The following CRBN variants were observed in gnomAD, a reference collection of about 807,000 sequenced individuals.
The protein encoded by CRBN is cereblon.
CRBN carries 53 observed loss-of-function variants against 62.2 expected under a neutral mutation model. The observed-to-expected ratio is 0.85, with a 90% CI of 0.68 to 1.07. The LOEUF is 1.07. Ranked by LOEUF, CRBN falls within the 50% of genes least tolerant of loss-of-function variation. The pLI is 0.00. For missense variants in CRBN, 616 were observed against 531.1 expected (o/e 1.16, Z -1.57); for synonymous variants, 208 against 176.1 (o/e 1.18, Z -1.43).
intron 4 of CRBN, among the ~76,000 whole-genome samples, chr3:3,171,098 C>T (rs1274516992): frequency 6.6e-6 from 1 of 152,172 alleles, no homozygotes; most frequent in Admixed American, 6.5e-5. Context: ...AGCCACTGTG[C>T]GCGGCCTGAT....
intron 7 of CRBN, 44 bp from the exon 8 acceptor site, chr3:3,154,119 A>G: frequency 8.8e-7 from 1 of 1,142,152 alleles, no homozygotes; most frequent in Non-Finnish European, 1.3e-6. Flanking sequence ...GGAGTCAGAT[A>G]AGCATCAGAG....
chr3:3,165,365 C>T (rs562268292), intron 5 of CRBN, among the ~76,000 whole-genome samples: 36 of 152,198 alleles, frequency 2.4e-4, no homozygotes, highest in Admixed American at 9.8e-4. Flanking sequence ...CAAACAGCGC[C>T]GCATGCTAAA....
At chr3:3,166,500 A>G (rs544957314) in intron 5 of CRBN, among the ~76,000 whole-genome samples, 1 of 152,154 alleles carries the variant, frequency 6.6e-6, no homozygotes, top group Non-Finnish European at 1.5e-5. Context: ...CCTGTTAACT[A>G]AAGGCAGTAT....
At chr3:3,178,055 G>C (rs1218812125) in intron 1 of CRBN, among the ~76,000 whole-genome samples, 1 of 151,928 alleles carries the variant, frequency 6.6e-6, no homozygotes, top group Non-Finnish European at 1.5e-5. Context: ...TGACTGTTCA[G>C]AGCTATCAGT....
At chr3:3,166,735 A>G (rs1330900219) in intron 5 of CRBN, among the ~76,000 whole-genome samples, 1 of 152,140 alleles carries the variant, frequency 6.6e-6, no homozygotes, top group African/African-American at 2.4e-5. Context: ...TTTTCACTGA[A>G]AACTGGAGGA....
At chr3:3,156,173 G>A in intron 6 of CRBN, 46 bp downstream of exon 6, 1 of 1,473,494 alleles carries the variant, frequency 6.8e-7, no homozygotes, top group South Asian at 1.1e-5. Flanking sequence ...CCTTAATTAT[G>A]ACATGGCCTA....
At chr3:3,159,838 A>C (rs1320697609) in intron 5 of CRBN, among the ~76,000 whole-genome samples, 1 of 152,206 alleles carries the variant, frequency 6.6e-6, no homozygotes, top group Non-Finnish European at 1.5e-5. Context: ...AGTCCCATTT[A>C]GCTTTCTGGC....
At chr3:3,174,500 G>C (rs1177073501) in intron 2 of CRBN, among the ~76,000 whole-genome samples, 1 of 152,088 alleles carries the variant, frequency 6.6e-6, no homozygotes, top group South Asian at 2.1e-4. Flanking sequence ...AATTAGCCAG[G>C]TGTGGTGGTG....
intron 1 of CRBN, among the ~76,000 whole-genome samples, chr3:3,179,180 G>A (rs773800720): frequency 4.6e-5 from 7 of 152,188 alleles, no homozygotes; most frequent in Non-Finnish European, 8.8e-5. Context: ...AGGATTAAAA[G>A]GCGACATGCA....
At chr3:3,153,670 C>G (rs1450603599) in intron 8 of CRBN, 182 bp from the exon 9 acceptor site, 6 of 627,016 alleles carry the variant, frequency 9.6e-6, no homozygotes, top group Non-Finnish European at 1.2e-5. Context: ...AAACTGAGAT[C>G]TGCCACATAT....
chr3:3,155,744 T>C (rs887527432), intron 6 of CRBN: 2 of 158,718 alleles, frequency 1.3e-5, no homozygotes, highest in Non-Finnish European at 2.8e-5. Context: ...ATGTTCTAAA[T>C]GTAACTATCA....
chr3:3,176,824 A>C (rs1707840321), intron 1 of CRBN, among the ~76,000 whole-genome samples: 1 of 152,266 alleles, frequency 6.6e-6, no homozygotes, highest in African/African-American at 2.4e-5. Context: ...ATGAAGCATA[A>C]AACATTTTAA....
intron 5 of CRBN, among the ~76,000 whole-genome samples, chr3:3,162,201 T>C (rs1707169360): frequency 6.6e-6 from 1 of 152,228 alleles, no homozygotes; most frequent in Admixed American, 6.5e-5. Flanking sequence ...ACTCAACTCT[T>C]TTCTGATTAA....
chr3:3,153,434 C>A lies in CRBN; in HGVS notation c.1006G>T (p.Glu336Ter). ...TAATAAAGACCTTACCTGAATATTTCATTTTTGGTTGTTATTTCTGTTTCT... is the reference window on the plus strand; with the variant it reads ...TAATAAAGACCTTACCTGAATATTTAATTTTTGGTTGTTATTTCTGTTTCT... ...CQETEITTKNEIFSLSLCGPM... is the reference protein window; with the variant it reads ...CQETEITTKN Residue 336 changes from glutamate to a stop codon, truncating the protein, a stop_gained, in exon 9 of 11, where the codon GAA becomes TAA. Transcript: ENST00000231948. LOFTEE classifies it high-confidence loss of function. The A allele has an allele frequency of 6.5e-7, 1 of 1,536,282 alleles. No homozygotes were observed. Among genetic ancestry groups the A allele is most frequent in the South Asian group, 1.1e-5 (1 of 89,408 alleles).
chr3:3,165,776 C>T (rs542075640), intron 5 of CRBN, among the ~76,000 whole-genome samples: 1 of 151,728 alleles, frequency 6.6e-6, no homozygotes, highest in East Asian at 1.9e-4. Context: ...TGCCTGTACC[C>T]CCTGAAAAAA....
intron 1 of CRBN, among the ~76,000 whole-genome samples, chr3:3,178,797 T>A (rs1373770629): frequency 6.6e-6 from 1 of 152,160 alleles, no homozygotes; most frequent in African/African-American, 2.4e-5. Flanking sequence ...ACGAAGGGAC[T>A]CAAGTAATAC....
intron 4 of CRBN, among the ~76,000 whole-genome samples, chr3:3,168,121 G>A (rs927100664): frequency 1.3e-5 from 2 of 151,550 alleles, no homozygotes; most frequent in African/African-American, 4.9e-5. Context: ...ACCAACTACT[G>A]CTTGATACTT....
At position 3,154,905 on chromosome 3, in the gene CRBN, TAAAAC is replaced by T. The variant is rs1289219250; in HGVS notation, c.751-79_751-75del. 5 of 841,380 alleles carry T rather than the reference TAAAAC, an allele frequency of 5.9e-6. No individual in the cohort carries two copies. The African/African-American group carries it at 6.7e-5, about 11-fold the overall frequency. The allele number at this position is 841,380 out of a possible 1,614,324, so 52.1% of individuals were successfully genotyped here. On this transcript the variant is annotated intron_variant, in intron 6 of 10. Coordinates refer to ENST00000231948, the MANE Select transcript of CRBN (RefSeq NM_016302.4). ...ATTTACTATTAAGCTTTTCAACTCT[TAAAAC>T]TAACACTGGTAGCAATTTAATCACT...
chr3:3,167,370 G>T, intron 5 of CRBN: 1 of 334,976 alleles, frequency 3.0e-6, no homozygotes, highest in South Asian at 3.4e-5. Context: ...ATTTCCCATG[G>T]AATTAAAAAT....
Sources: gnomAD v4.1 joint callset for allele counts (sites outside exome capture counted in the v4.1 genomes callset) on GRCh38, gnomAD v4.1.1 for gene constraint, MANE v1.5 for transcripts, NCBI Gene and HGNC (gene_info 2026-07-23, HGNC 2026-07-21) for gene names.